The following KIF6 variants were observed in gnomAD, a reference collection of about 807,000 sequenced individuals.
The protein encoded by KIF6 is kinesin-like protein KIF6.
In KIF6, 106 loss-of-function variants were observed where a neutral mutation model predicts 112.7. That is an observed-to-expected ratio of 0.94 (90% CI 0.80 to 1.11). KIF6 has a LOEUF of 1.11. Among genes scored for constraint, KIF6 ranks in the 50% least tolerant of loss-of-function variants. The probability of loss-of-function intolerance (pLI) is 0.00; values close to 1 mark genes in which losing one functional copy is unlikely to be tolerated. For synonymous variants in KIF6, 339 were observed against 339.9 expected (o/e 1.00, Z 0.03); for missense variants, 929 against 964.0 (o/e 0.96, Z 0.48).
chr6:39,628,588 G>T (rs772733448), intron 5 of KIF6, among the ~76,000 whole-genome samples: 6 of 151,900 alleles, frequency 3.9e-5, no homozygotes, highest in African/African-American at 1.5e-4. Flanking sequence ...TAAACCTTTC[G>T]GGATTGGCTT....
chr6:39,436,338 A>G (rs1009846377), intron 13 of KIF6, among the ~76,000 whole-genome samples: 3 of 151,028 alleles, frequency 2.0e-5, no homozygotes, highest in Non-Finnish European at 4.4e-5. Context: ...TTGATTATTT[A>G]TTTTTCTGTG....
chr6:39,683,100 C>T (rs1787635552), intron 3 of KIF6, among the ~76,000 whole-genome samples: 1 of 152,180 alleles, frequency 6.6e-6, no homozygotes, highest in South Asian at 2.1e-4. Flanking sequence ...GGCCAGATGG[C>T]AGGGTTTTAC....
chr6:39,338,961 G>T (rs1763174551), intron 22 of KIF6, among the ~76,000 whole-genome samples: 1 of 140,314 alleles, frequency 7.1e-6, no homozygotes, highest in African/African-American at 2.5e-5. Context: ...GGGTGGGGTG[G>T]GGCCTGGGAA....
chr6:39,336,622 G>T, intron 22 of KIF6, 74 bp from the exon 23 acceptor site: 1 of 1,414,716 alleles, frequency 7.1e-7, no homozygotes, highest in Non-Finnish European at 1.0e-6. Flanking sequence ...TGAATCGGGG[G>T]GAGGGGAGGC....
At chr6:39,584,459 A>AAAAAAAAAAAAC (rs1561836472) in intron 9 of KIF6, among the ~76,000 whole-genome samples, 1 of 128,594 alleles carries the variant, frequency 7.8e-6, no homozygotes, top group Non-Finnish European at 1.7e-5. Flanking sequence ...AAAAAAAAAA[A>AAAAAAAAAAAAC]AGACTATTAT....
chr6:39,687,718 T>A (rs1787956385), intron 3 of KIF6, among the ~76,000 whole-genome samples: 1 of 152,212 alleles, frequency 6.6e-6, no homozygotes, highest in East Asian at 1.9e-4. Flanking sequence ...TAGGTTAAAA[T>A]CACTAGGCTG....
chr6:39,444,829 T>TAA (rs75229210), intron 13 of KIF6, among the ~76,000 whole-genome samples: 3 of 140,186 alleles, frequency 2.1e-5, no homozygotes, highest in African/African-American at 7.9e-5. Flanking sequence ...CAGAGATGGT[T>TAA]AAAAAAAAAA....
chr6:39,425,275 C>T (rs965733060), intron 14 of KIF6, among the ~76,000 whole-genome samples: 1 of 152,208 alleles, frequency 6.6e-6, no homozygotes, highest in African/African-American at 2.4e-5. Flanking sequence ...GAACAACTAA[C>T]TTAATATGTT....
At chr6:39,528,717 A>G (rs1292786352) in intron 13 of KIF6, among the ~76,000 whole-genome samples, 4 of 152,204 alleles carry the variant, frequency 2.6e-5, no homozygotes, top group Admixed American at 6.5e-5. Context: ...GCATTTCACT[A>G]ATGATTGGTG....
At chr6:39,426,832 A>G (rs1019982372) in intron 14 of KIF6, among the ~76,000 whole-genome samples, 1 of 152,036 alleles carries the variant, frequency 6.6e-6, no homozygotes, top group Non-Finnish European at 1.5e-5. Context: ...CAATTCTTAT[A>G]CTCTGGGTCA....
At chr6:39,534,626 G>T (rs1443323220) in intron 13 of KIF6, among the ~76,000 whole-genome samples, 1 of 152,168 alleles carries the variant, frequency 6.6e-6, no homozygotes, top group African/African-American at 2.4e-5. Flanking sequence ...GAACCAAGTT[G>T]GAAAACACTC....
At chr6:39,359,374 A>T (rs1764953381) in intron 18 of KIF6, among the ~76,000 whole-genome samples, 1 of 152,236 alleles carries the variant, frequency 6.6e-6, no homozygotes, top group Non-Finnish European at 1.5e-5. Flanking sequence ...TGTCTAGGAA[A>T]TATGCAAAAA....
Position 39,342,594 on chromosome 6 carries a change from G to GTTTTTTTTTTT in KIF6, c.2428+1114_2428+1115insAAAAAAAAAAA, listed in dbSNP as rs1443982685. 3.2e-5 allele frequency among the ~76,000 whole-genome samples: 4 copies of GTTTTTTTTTTT among 124,306 alleles called. No individual in the cohort carries two copies. Among genetic ancestry groups the GTTTTTTTTTTT allele is most frequent in the African/African-American group, 8.8e-5 (2 of 22,826 alleles). 81.5% of individuals were successfully genotyped at this position (124,306 alleles called of 152,430 possible). A position where few individuals can be genotyped will look rare whatever the true frequency, so the allele number is the denominator to read the frequency against. The stretch of plus-strand genomic sequence containing the variant: ...GGGGACTTGGAGATCACTGAATCCA[G>GTTTTTTTTTTT]TTTTTTATTTTTTTTTATTTTTTTT... On this transcript the variant is annotated intron_variant, in intron 22 of 22. Transcript: ENST00000287152. The surrounding 1 kb of genome is among the most constrained non-coding windows in gnomAD (Gnocchi z 4.7).
At chr6:39,394,439 A>G (rs530575784) in intron 15 of KIF6, among the ~76,000 whole-genome samples, 2 of 152,320 alleles carry the variant, frequency 1.3e-5, no homozygotes, top group East Asian at 1.9e-4. Flanking sequence ...GATAGGGGAA[A>G]TAAGGAGGGT....
chr6:39,444,471 G>C (rs1352508387), intron 13 of KIF6, among the ~76,000 whole-genome samples: 2 of 152,050 alleles, frequency 1.3e-5, no homozygotes, highest in Admixed American at 6.6e-5. Flanking sequence ...GGTGAGAAAA[G>C]ATCTTAAGGT....
chr6:39,584,417 TAAAAAAAAAAAA>T lies in KIF6; in HGVS notation c.1077+469_1077+480del, dbSNP rs61215070. On this transcript the variant is annotated intron_variant, in intron 9 of 22. Transcript: ENST00000287152. ...TCCAGCCTGAGCAAGACTCTGTCTC[TAAAAAAAAAAAA>T]AAAAAAAAAAAAAAAAAAAAAAAAA... Among the ~76,000 whole-genome samples the T allele has an allele frequency of 5.0e-4, 23 of 46,058 alleles. 1 individual carries two copies. Among genetic ancestry groups the T allele is most frequent in the Admixed American group, 9.2e-4 (3 of 3,260 alleles). 30.2% of individuals were successfully genotyped at this position (46,058 alleles called of 152,430 possible).
chr6:39,389,135 A>G (rs1463004858), intron 15 of KIF6, among the ~76,000 whole-genome samples: 2 of 152,136 alleles, frequency 1.3e-5, no homozygotes, highest in African/African-American at 4.8e-5. Flanking sequence ...TGTGTGGTAT[A>G]TGGGTTTTCT....
intron 2 of KIF6, among the ~76,000 whole-genome samples, chr6:39,715,739 A>C (rs57764921): frequency 0.02 from 3,007 of 152,256 alleles, 97 homozygotes; most frequent in African/African-American, 0.069. Context: ...AGAAGCAAAC[A>C]ATGAACTATA....
intron 3 of KIF6, among the ~76,000 whole-genome samples, chr6:39,693,735 G>A (rs553144375): frequency 2.0e-5 from 3 of 151,978 alleles, no homozygotes; most frequent in South Asian, 4.1e-4. Flanking sequence ...AATTCTACCA[G>A]ATGTACAAAG....
Sources: gnomAD v4.1 joint callset for allele counts (sites outside exome capture counted in the v4.1 genomes callset) on GRCh38, gnomAD v4.1.1 for gene constraint, Gnocchi (gnomAD v3.1) non-coding constraint, MANE v1.5 for transcripts, NCBI Gene and HGNC (gene_info 2026-07-23, HGNC 2026-07-21) for gene names.